Variants in SHISA6 observed in about 807,000 individuals in gnomAD.
The protein encoded by SHISA6 is shisa family member 6, also known as protein shisa-6.
In SHISA6, 22 loss-of-function variants were observed where a neutral mutation model predicts 47.9. That is an observed-to-expected ratio of 0.46 (90% CI 0.33 to 0.66). The LOEUF (loss-of-function observed/expected upper bound fraction) is 0.66, where lower values mean the gene tolerates loss of function less well. Among genes scored for constraint, SHISA6 ranks in the 30% least tolerant of loss-of-function variants. The pLI is 0.02. For synonymous variants in SHISA6, 388 were observed against 337.8 expected, an observed-to-expected ratio of 1.15 and a Z score of -1.63; for missense variants, 680 against 764.6, an observed-to-expected ratio of 0.89 and a Z score of 1.30.
rs902746153 is a variant in SHISA6, at chr17:11,311,309, C to CA, written c.799+47791dup. On this transcript the variant is annotated intron_variant, in intron 2 of 5. Transcript: ENST00000441885. ...AAAAAAAAAAAAAAAAACCGACAAA[C>CA]AAAAAAAATCACCTCTGGCTGTTGT... 5.8e-3 allele frequency among the ~76,000 whole-genome samples: 820 copies of CA among 140,586 alleles called. 11 individuals are homozygous for CA. The highest frequency in any genetic ancestry group is 0.02 in the African/African-American group (773 of 38,154). The allele number at this position is 140,586 out of a possible 152,430, so 92.2% of individuals were successfully genotyped here. A position where few individuals can be genotyped will look rare whatever the true frequency, so the allele number is the denominator to read the frequency against.
chr17:11,508,177 C>T (rs962076027), intron 3 of SHISA6, among the ~76,000 whole-genome samples: 10 of 152,372 alleles, frequency 6.6e-5, no homozygotes, highest in Middle Eastern at 3.4e-3. Context: ...TTGAAATCTA[C>T]TAGCTGTGTG....
At chr17:11,450,997 A>T (rs933865772) in intron 3 of SHISA6, among the ~76,000 whole-genome samples, 21 of 121,840 alleles carry the variant, frequency 1.7e-4, no homozygotes, top group African/African-American at 6.0e-4. Context: ...TAGAAAATTA[A>T]AAAAAAAAAA....
intron 3 of SHISA6, among the ~76,000 whole-genome samples, chr17:11,387,030 A>G (rs1265332599): frequency 1.3e-5 from 2 of 152,216 alleles, no homozygotes; most frequent in African/African-American, 2.4e-5. Context: ...AACCCAGAGA[A>G]GTAGCATAAG....
At chr17:11,526,821 A>C (rs564457700) in intron 3 of SHISA6, among the ~76,000 whole-genome samples, 2 of 135,270 alleles carry the variant, frequency 1.5e-5, no homozygotes, top group South Asian at 4.8e-4. Flanking sequence ...TACATATACA[A>C]TATTTGTATA....
chr17:11,323,510 C>T lies in SHISA6; in HGVS notation c.800-55904C>T, dbSNP rs558358678. 9.2e-5 allele frequency among the ~76,000 whole-genome samples: 14 copies of T among 151,972 alleles called. No homozygotes were observed. The East Asian group carries it at 1.4e-3, about 15-fold the overall frequency. ...TCTCTACTAAAAATACAAAATTAAC[C>T]GGACGTGGTGGCGCATGCCTGTAAT... On this transcript the variant is annotated intron_variant, in intron 2 of 5. Coordinates refer to ENST00000441885, the MANE Select transcript of SHISA6 (RefSeq NM_207386.4).
intron 2 of SHISA6, among the ~76,000 whole-genome samples, chr17:11,365,912 C>G (rs982891722): frequency 2.0e-5 from 3 of 152,098 alleles, no homozygotes; most frequent in Non-Finnish European, 4.4e-5. Flanking sequence ...AGGAGGCAAG[C>G]CTTACAATAA....
chr17:11,241,699 A>G lies in SHISA6; in HGVS notation c.277A>G (p.Thr93Ala), dbSNP rs762530440. The G allele has an allele frequency of 6.5e-7, 1 of 1,534,420 alleles. No individual in the cohort carries two copies. Among genetic ancestry groups the G allele is most frequent in the South Asian group, 1.2e-5 (1 of 83,916 alleles). ...GGCCAGCGCGGCCGTCACCTACGAG[A>G]CGTGCTGGGGCTACTACGACGTGAG... ...AAASAAVTYETCWGYYDVSGQ... is the reference protein window; with the variant it reads ...AAASAAVTYEACWGYYDVSGQ... The change falls in exon 1 of 6, where the codon ACG becomes GCG. Residue 93 changes from threonine (T) to alanine (A), a missense_variant. Physicochemically the swap from Thr to Ala is moderately conservative, Grantham distance 58 (BLOSUM62 0). Around this residue, in one of 2 missense-constraint regions of SHISA6, gnomAD observed 559 missense variants for 674.1 expected, o/e 0.83. Coordinates refer to ENST00000441885, the MANE Select transcript of SHISA6 (RefSeq NM_207386.4). The surrounding 1 kb of genome is among the most constrained non-coding windows in gnomAD (Gnocchi z 5.5).
At chr17:11,439,200 A>G (rs959644348) in intron 3 of SHISA6, among the ~76,000 whole-genome samples, 2 of 152,214 alleles carry the variant, frequency 1.3e-5, no homozygotes, top group African/African-American at 4.8e-5. Context: ...AGAAAGGCAC[A>G]TTTGTGCATT....
At chr17:11,268,620 G>A (rs1369506694) in intron 2 of SHISA6, among the ~76,000 whole-genome samples, 1 of 152,126 alleles carries the variant, frequency 6.6e-6, no homozygotes, top group African/African-American at 2.4e-5. Context: ...ACCATCTCCG[G>A]CTTTACTTTT....
intron 2 of SHISA6, among the ~76,000 whole-genome samples, chr17:11,312,673 A>G (rs1008309278): frequency 6.6e-5 from 10 of 152,180 alleles, no homozygotes; most frequent in African/African-American, 2.4e-4. Flanking sequence ...AAGTAATATC[A>G]TAGATGTCCT....
chr17:11,426,910 C>T (rs1180105378), intron 3 of SHISA6, among the ~76,000 whole-genome samples: 1 of 152,176 alleles, frequency 6.6e-6, no homozygotes, highest in African/African-American at 2.4e-5. Flanking sequence ...TGTTTTTCCA[C>T]AACCCTTCTT....
chr17:11,338,684 G>A (rs551522470), intron 2 of SHISA6, among the ~76,000 whole-genome samples: 1 of 152,090 alleles, frequency 6.6e-6, no homozygotes, highest in Admixed American at 6.5e-5. Flanking sequence ...CCAAAGTGCT[G>A]GCATTACAGG....
Position 11,538,254 on chromosome 17 carries a change from G to A in SHISA6, c.896-13642G>A, listed in dbSNP as rs897563568. 3.3e-5 allele frequency among the ~76,000 whole-genome samples: 5 copies of A among 152,132 alleles called. No homozygotes were observed. In the East Asian group the frequency reaches 9.6e-4, roughly 29 times the overall value. On this transcript the variant is annotated intron_variant, in intron 3 of 5. Coordinates refer to ENST00000441885, the MANE Select transcript of SHISA6 (RefSeq NM_207386.4). ...AATTTTTGTATTTTTAGTAGAGGCG[G>A]GGTTTCACCATGTTGGCCAGGCTGG...
At chr17:11,431,220 G>A (rs1179378279) in intron 3 of SHISA6, among the ~76,000 whole-genome samples, 4 of 152,158 alleles carry the variant, frequency 2.6e-5, no homozygotes, top group African/African-American at 9.7e-5. Context: ...ATGCCACTGA[G>A]GATTGTACTT....
At chr17:11,464,465 G>A (rs993131566) in intron 3 of SHISA6, among the ~76,000 whole-genome samples, 3 of 152,106 alleles carry the variant, frequency 2.0e-5, no homozygotes, top group Non-Finnish European at 2.9e-5. Context: ...GAAGTTGCAC[G>A]AAGTGAAACT....
chr17:11,305,106 C>G (rs558506940), intron 2 of SHISA6, among the ~76,000 whole-genome samples: 1 of 152,274 alleles, frequency 6.6e-6, no homozygotes, highest in African/African-American at 2.4e-5. Context: ...AGCATAGCAC[C>G]TGCTGGTGGT....
At chr17:11,537,624 T>C (rs2071798596) in intron 3 of SHISA6, among the ~76,000 whole-genome samples, 1 of 152,090 alleles carries the variant, frequency 6.6e-6, no homozygotes, top group Admixed American at 6.5e-5. Context: ...CTTTGGGCCT[T>C]AGGAAGAAGA....
At chr17:11,356,681 T>C (rs1398734543) in intron 2 of SHISA6, among the ~76,000 whole-genome samples, 2 of 152,038 alleles carry the variant, frequency 1.3e-5, no homozygotes, top group African/African-American at 4.8e-5. Context: ...TCTCCTGTCA[T>C]TCAGCTGTGT....
At chr17:11,243,642 T>G (rs1242042138) in intron 1 of SHISA6, among the ~76,000 whole-genome samples, 1 of 152,200 alleles carries the variant, frequency 6.6e-6, no homozygotes, top group Non-Finnish European at 1.5e-5. Flanking sequence ...GAATTTTCTG[T>G]CTCGGCTCAG....
Sources: gnomAD v4.1 joint callset for allele counts (sites outside exome capture counted in the v4.1 genomes callset) on GRCh38, gnomAD v4.1.1 for gene constraint, gnomAD v4.1.1 regional missense constraint, Gnocchi (gnomAD v3.1) non-coding constraint, MANE v1.5 for transcripts, NCBI Gene and HGNC (gene_info 2026-07-23, HGNC 2026-07-21) for gene names.